The following PARD3 variants were observed in gnomAD, a reference collection of about 807,000 sequenced individuals.
PARD3 encodes par-3 family cell polarity regulator, also known as partitioning defective 3 homolog.
A neutral mutation model predicts 155.4 loss-of-function variants in PARD3; 75 were observed. That is an observed-to-expected ratio of 0.48 (90% CI 0.40 to 0.58). The LOEUF is 0.58. PARD3 is among the 20% of genes least tolerant of loss of function. The pLI, the probability that PARD3 is intolerant of heterozygous loss-of-function variation, is 0.00. For missense variants in PARD3, 1,642 were observed against 1,721.7 expected (o/e 0.95, Z 0.82); for synonymous variants, 576 against 610.5 (o/e 0.94, Z 0.83).
intron 2 of PARD3, among the ~76,000 whole-genome samples, chr10:34,689,026 T>G (rs938942348): frequency 6.6e-6 from 1 of 152,166 alleles, no homozygotes; most frequent in African/African-American, 2.4e-5. Context: ...CCCAGGACCC[T>G]TCACAGAGAT....
chr10:34,772,745 G>T (rs1426559854), intron 1 of PARD3, among the ~76,000 whole-genome samples: 2 of 136,752 alleles, frequency 1.5e-5, no homozygotes, highest in African/African-American at 5.5e-5. Context: ...AGTGAGCCGA[G>T]ATCGCACCAC....
chr10:34,365,410 C>A (rs1291900474), intron 12 of PARD3, among the ~76,000 whole-genome samples: 1 of 152,120 alleles, frequency 6.6e-6, no homozygotes, highest in Non-Finnish European at 1.5e-5. Flanking sequence ...CCATCAAAAA[C>A]CTCCATAACA....
chr10:34,473,832 G>C (rs2078521013), intron 3 of PARD3, among the ~76,000 whole-genome samples: 1 of 152,206 alleles, frequency 6.6e-6, no homozygotes, highest in Non-Finnish European at 1.5e-5. Flanking sequence ...GTAATTAAAA[G>C]TGAGTATAAA....
At chr10:34,754,685 T>C (rs1230210065) in intron 1 of PARD3, among the ~76,000 whole-genome samples, 3 of 152,226 alleles carry the variant, frequency 2.0e-5, no homozygotes, top group Non-Finnish European at 4.4e-5. Context: ...CTGAACAAAT[T>C]GGACAGGGTG....
intron 3 of PARD3, among the ~76,000 whole-genome samples, chr10:34,514,900 T>C (rs983802675): frequency 3.9e-5 from 6 of 152,322 alleles, no homozygotes; most frequent in Admixed American, 1.3e-4. Flanking sequence ...GGTGTGGCTA[T>C]ATTAAAGCTA....
intron 19 of PARD3, among the ~76,000 whole-genome samples, chr10:34,328,385 G>C (rs1446126099): frequency 1.3e-5 from 2 of 152,100 alleles, no homozygotes; most frequent in East Asian, 3.8e-4. Context: ...GGCAGTGAGG[G>C]GGTACATAGA....
At position 34,145,183 on chromosome 10, in the gene PARD3, GTGTGTGTATATATA is replaced by G. The variant is rs1370936278; in HGVS notation, c.3420-13614_3420-13601del. On this transcript the variant is annotated intron_variant, in intron 22 of 24. Transcript: ENST00000374788. Reference sequence around the variant, plus strand: ...TGATTCTCAACTCTTCATTGTGTGTGTGTGTGTATATATATATATATATATATATATATATATAT... The same window carrying G: ...TGATTCTCAACTCTTCATTGTGTGTGTATATATATATATATATATATATAT... Among the ~76,000 whole-genome samples the G allele has an allele frequency of 1.4e-3, 115 of 80,242 alleles. 2 individuals are homozygous for G. Among genetic ancestry groups the G allele is most frequent in the Middle Eastern group, 7.6e-3 (1 of 132 alleles). The allele number at this position is 80,242 out of a possible 152,430, so 52.6% of individuals were successfully genotyped here.
intron 2 of PARD3, among the ~76,000 whole-genome samples, chr10:34,693,865 C>T (rs778199048): frequency 5.9e-5 from 9 of 152,166 alleles, no homozygotes; most frequent in East Asian, 5.8e-4. Flanking sequence ...GTTGGCATAG[C>T]TATGGTTCAT....
intron 1 of PARD3, among the ~76,000 whole-genome samples, chr10:34,723,065 C>T (rs2094633967): frequency 6.6e-6 from 1 of 151,996 alleles, no homozygotes; most frequent in African/African-American, 2.4e-5. Context: ...ATATATTGGC[C>T]AGGCACGGTG....
At chr10:34,473,665 C>T (rs903672705) in intron 3 of PARD3, among the ~76,000 whole-genome samples, 22 of 152,202 alleles carry the variant, frequency 1.4e-4, no homozygotes, top group Admixed American at 2.6e-4. Flanking sequence ...GGGACAGAAG[C>T]AGTTTTCCAT....
intron 2 of PARD3, among the ~76,000 whole-genome samples, chr10:34,602,641 T>C (rs1184059755): frequency 3.3e-5 from 5 of 152,156 alleles, no homozygotes; most frequent in Admixed American, 3.3e-4. Context: ...ATCTCACAGA[T>C]GTAATATGAG....
intron 16 of PARD3, among the ~76,000 whole-genome samples, chr10:34,338,932 T>G (rs1485330380): frequency 6.6e-6 from 1 of 152,184 alleles, no homozygotes; most frequent in Non-Finnish European, 1.5e-5. Flanking sequence ...CAATGAAGAC[T>G]ATCTCAAATT....
At chr10:34,296,695 TCAGTACATGCTGATGGTGGATG>T (rs1348909365) in intron 20 of PARD3, among the ~76,000 whole-genome samples, 1 of 152,300 alleles carries the variant, frequency 6.6e-6, no homozygotes, top group East Asian at 1.9e-4. Flanking sequence ...AGAGTAACAA[TCAGTACATGCTGATGGTGGATG>T]GGCTTGAAAG....
chr10:34,249,036 A>T (rs1007718165), intron 22 of PARD3, among the ~76,000 whole-genome samples: 1 of 151,834 alleles, frequency 6.6e-6, no homozygotes, highest in Non-Finnish European at 1.5e-5. Context: ...TTTTTTTTAG[A>T]CTTGTGTTTG....
At chr10:34,262,257 T>G (rs953004994) in intron 22 of PARD3, among the ~76,000 whole-genome samples, 2 of 150,648 alleles carry the variant, frequency 1.3e-5, no homozygotes, top group African/African-American at 4.9e-5. Context: ...CTATTACGGT[T>G]TTTTTTTTTA....
chr10:34,551,193 C>T lies in PARD3; in HGVS notation c.223-34034G>A, dbSNP rs1244798596. On this transcript the variant is annotated intron_variant, in intron 2 of 24. Transcript: ENST00000374788. ...TCAAAGTCACAAAATTTTGCACATC[C>T]GTATGTCAAAGGGGTAAGAAGAAAA... Among the ~76,000 whole-genome samples the T allele has an allele frequency of 5.3e-5, 8 of 152,098 alleles. No homozygotes were observed. The East Asian group carries it at 1.4e-3, about 26-fold the overall frequency.
chr10:34,295,142 G>C (rs536378924), intron 20 of PARD3, among the ~76,000 whole-genome samples: 3 of 152,232 alleles, frequency 2.0e-5, no homozygotes, highest in African/African-American at 7.2e-5. Context: ...TTTGTGCTGT[G>C]GTTTCTCTCT....
intron 22 of PARD3, among the ~76,000 whole-genome samples, chr10:34,252,743 T>C (rs192909195): frequency 7.1e-4 from 107 of 149,678 alleles, no homozygotes; most frequent in Non-Finnish European, 9.5e-4. Flanking sequence ...TATATGTGTA[T>C]GTGTGTATGT....
intron 3 of PARD3, among the ~76,000 whole-genome samples, chr10:34,501,270 A>G (rs980528547): frequency 1.3e-5 from 2 of 152,104 alleles, no homozygotes; most frequent in African/African-American, 4.8e-5. Flanking sequence ...CTTCATGACA[A>G]TGAGTTCTCA....
Sources: allele counts gnomAD v4.1 joint callset (sites outside exome capture counted in the v4.1 genomes callset), GRCh38; gene constraint gnomAD v4.1.1; transcripts MANE v1.5; gene names NCBI Gene and HGNC (gene_info 2026-07-23, HGNC 2026-07-21).